The following ACYP2 variants were observed in gnomAD, a reference collection of about 807,000 sequenced individuals.
The protein encoded by ACYP2 is acylphosphatase 2.
A neutral mutation model predicts 11.2 loss-of-function variants in ACYP2; 12 were observed. That is an observed-to-expected ratio of 1.08 (90% CI 0.69 to 1.74). The LOEUF is 1.74. ACYP2 is among the 40% of genes most tolerant of loss of function. The pLI is 0.00. For synonymous variants in ACYP2, 43 were observed against 32.2 expected, an observed-to-expected ratio of 1.33 and a Z score of -1.13; for missense variants, 134 against 101.9, an observed-to-expected ratio of 1.31 and a Z score of -1.35.
chr2:54,153,274 A>G (rs79806462), intron 6 of ACYP2, among the ~76,000 whole-genome samples: 2 of 148,590 alleles, frequency 1.3e-5, no homozygotes, highest in Non-Finnish European at 3.0e-5. Context: ...AAAAAAAAAA[A>G]TCAGTTGACT....
intron 6 of ACYP2, among the ~76,000 whole-genome samples, chr2:54,181,239 C>T (rs1683709584): frequency 6.6e-6 from 1 of 151,998 alleles, no homozygotes; most frequent in African/African-American, 2.4e-5. Flanking sequence ...TGTGACAAGT[C>T]CTAGAAGGAA....
At chr2:54,017,061 A>T (rs868602955) in intron 2 of ACYP2, among the ~76,000 whole-genome samples, 5 of 145,184 alleles carry the variant, frequency 3.4e-5, no homozygotes, top group Middle Eastern at 3.4e-3. Context: ...GCTGATTCTC[A>T]CATGGCAGAA....
chr2:53,997,595 C>T (rs1296698772), intron 2 of ACYP2, among the ~76,000 whole-genome samples: 2 of 152,118 alleles, frequency 1.3e-5, no homozygotes, highest in Middle Eastern at 3.4e-3. Flanking sequence ...TATGAGCCAC[C>T]GCACCCGGCC....
At chr2:54,294,329 T>A (rs981033308) in intron 6 of ACYP2, among the ~76,000 whole-genome samples, 1 of 152,230 alleles carries the variant, frequency 6.6e-6, no homozygotes, top group African/African-American at 2.4e-5. Flanking sequence ...CATTTCTACA[T>A]AGGATGGATT....
At chr2:54,021,515 A>G (rs556107907) in intron 2 of ACYP2, among the ~76,000 whole-genome samples, 2 of 152,298 alleles carry the variant, frequency 1.3e-5, no homozygotes, top group Non-Finnish European at 1.5e-5. Flanking sequence ...TTGGGTGATC[A>G]CTTGTTCTGA....
chr2:54,147,372 A>G (rs952084005), intron 6 of ACYP2, among the ~76,000 whole-genome samples: 2 of 152,138 alleles, frequency 1.3e-5, no homozygotes, highest in African/African-American at 4.8e-5. Context: ...TGTCAGATCT[A>G]TGCGTTCTGT....
At chr2:54,258,549 G>A (rs901725457) in intron 6 of ACYP2, among the ~76,000 whole-genome samples, 6 of 152,084 alleles carry the variant, frequency 3.9e-5, no homozygotes, top group Non-Finnish European at 7.4e-5. Flanking sequence ...TTTGAGCAGA[G>A]GACACAAAAT....
At chr2:54,106,262 T>A (rs1679151846) in intron 4 of ACYP2, among the ~76,000 whole-genome samples, 1 of 152,090 alleles carries the variant, frequency 6.6e-6, no homozygotes, top group South Asian at 2.1e-4. Flanking sequence ...ATTATTATTA[T>A]TTTATTTGTA....
At chr2:54,198,855 C>G (rs1189221611) in intron 6 of ACYP2, among the ~76,000 whole-genome samples, 2 of 152,138 alleles carry the variant, frequency 1.3e-5, no homozygotes, top group African/African-American at 4.8e-5. Context: ...AAATGTGGCA[C>G]AAAACAAGCT....
chr2:54,209,943 C>G (rs1023190794), intron 6 of ACYP2, among the ~76,000 whole-genome samples: 2 of 152,006 alleles, frequency 1.3e-5, no homozygotes, highest in African/African-American at 4.8e-5. Context: ...GAGTTCAAGA[C>G]CAGCCTGGCC....
At chr2:54,206,753 G>A (rs1049640297) in intron 6 of ACYP2, among the ~76,000 whole-genome samples, 5 of 152,154 alleles carry the variant, frequency 3.3e-5, no homozygotes, top group African/African-American at 1.2e-4. Context: ...ATGTTCCCCT[G>A]TAGGGGGTGC....
intron 2 of ACYP2, among the ~76,000 whole-genome samples, chr2:53,999,828 A>T (rs1296580757): frequency 2.0e-5 from 3 of 152,292 alleles, no homozygotes; most frequent in Non-Finnish European, 2.9e-5. Context: ...CTCTCCCATG[A>T]TCAAATTCCC....
chr2:54,002,162 C>T (rs1256767945), intron 2 of ACYP2, among the ~76,000 whole-genome samples: 1 of 152,180 alleles, frequency 6.6e-6, no homozygotes, highest in Non-Finnish European at 1.5e-5. Flanking sequence ...CCTGCCTATT[C>T]ATTCCTACTC....
At chr2:54,098,439 T>A (rs1308437948) in intron 4 of ACYP2, among the ~76,000 whole-genome samples, 1 of 152,140 alleles carries the variant, frequency 6.6e-6, no homozygotes, top group Non-Finnish European at 1.5e-5. Context: ...CATTGATTCA[T>A]TAGAGAAACG....
chr2:54,072,509 C>CTT (rs780586783), intron 4 of ACYP2, among the ~76,000 whole-genome samples: 15 of 72,908 alleles, frequency 2.1e-4, no homozygotes, highest in East Asian at 1.1e-3. Context: ...CTCTCTCTCT[C>CTT]TCTTTCTTTC....
At chr2:54,010,445 T>C (rs1471607768) in intron 2 of ACYP2, among the ~76,000 whole-genome samples, 1 of 151,360 alleles carries the variant, frequency 6.6e-6, no homozygotes. Context: ...GTTTGTGCCA[T>C]TGCACTCCAG....
chr2:54,125,126 A>G (rs77557477), intron 4 of ACYP2, among the ~76,000 whole-genome samples: 2 of 151,804 alleles, frequency 1.3e-5, no homozygotes, highest in Non-Finnish European at 2.9e-5. Flanking sequence ...AAAAAAAAAA[A>G]CTCAAAACAG....
intron 6 of ACYP2, among the ~76,000 whole-genome samples, chr2:54,207,424 G>C (rs536117560): frequency 6.6e-6 from 1 of 152,028 alleles, no homozygotes; most frequent in South Asian, 2.1e-4. Context: ...CAATTGGTTG[G>C]GTGACACCCA....
At chr2:54,083,258 T>C (rs148275006) in intron 4 of ACYP2, among the ~76,000 whole-genome samples, 2,123 of 152,274 alleles carry the variant, frequency 0.014, 18 homozygotes, top group Middle Eastern at 0.051. Context: ...TTGCGAATGA[T>C]GTCTCTCTTG....
Sources: allele counts gnomAD v4.1 joint callset (sites outside exome capture counted in the v4.1 genomes callset), GRCh38; gene constraint gnomAD v4.1.1; transcripts MANE v1.5; gene names NCBI Gene and HGNC (gene_info 2026-07-23, HGNC 2026-07-21).